AGBL4: variants seen among roughly 807,000 people sequenced by gnomAD.
AGBL4 encodes the protein AGBL carboxypeptidase 4.
A neutral mutation model predicts 66.4 loss-of-function variants in AGBL4; 58 were observed. The ratio of observed to expected loss-of-function variants is 0.87; its 90% CI spans 0.71 to 1.09. AGBL4 has a LOEUF of 1.09. Ranked by LOEUF, AGBL4 falls within the 50% of genes least tolerant of loss-of-function variation. The probability of loss-of-function intolerance (pLI) is 0.00; values close to 1 mark genes in which losing one functional copy is unlikely to be tolerated. For synonymous variants in AGBL4, 234 were observed against 222.9 expected, an observed-to-expected ratio of 1.05 and a Z score of -0.44; for missense variants, 579 against 631.0, an observed-to-expected ratio of 0.92 and a Z score of 0.88.
At chr1:49,093,916 G>A (rs1645044264) in intron 4 of AGBL4, among the ~76,000 whole-genome samples, 2 of 152,120 alleles carry the variant, frequency 1.3e-5, no homozygotes, top group African/African-American at 4.8e-5. Context: ...TTCATCATAG[G>A]ATAGAGTTCA....
chr1:48,821,430 A>C (rs147554835), intron 6 of AGBL4, among the ~76,000 whole-genome samples: 1 of 152,198 alleles, frequency 6.6e-6, no homozygotes, highest in African/African-American at 2.4e-5. Context: ...GAATGAAATC[A>C]TGTCCTTTGC....
chr1:48,832,195 A>G (rs1281194957), intron 6 of AGBL4, among the ~76,000 whole-genome samples: 3 of 152,178 alleles, frequency 2.0e-5, no homozygotes, highest in Non-Finnish European at 2.9e-5. Flanking sequence ...TTGGGGAAAC[A>G]CTGGAAAATG....
intron 6 of AGBL4, among the ~76,000 whole-genome samples, chr1:48,812,353 A>T (rs932893039): frequency 6.6e-6 from 1 of 152,108 alleles, no homozygotes; most frequent in African/African-American, 2.4e-5. Flanking sequence ...CAGAAGGAGG[A>T]AGTAGATTAG....
intron 5 of AGBL4, among the ~76,000 whole-genome samples, chr1:48,910,461 C>A (rs909470684): frequency 6.6e-6 from 1 of 152,116 alleles, no homozygotes; most frequent in East Asian, 1.9e-4. Context: ...TGCTCCTTAG[C>A]TCCTTAAAAG....
chr1:49,110,321 C>T (rs908424039), intron 4 of AGBL4, among the ~76,000 whole-genome samples: 1 of 152,206 alleles, frequency 6.6e-6, no homozygotes, highest in African/African-American at 2.4e-5. Flanking sequence ...AGAAGGATTA[C>T]AATTTACATT....
At chr1:49,151,071 AT>A (rs1181265449) in intron 4 of AGBL4, among the ~76,000 whole-genome samples, 1 of 152,034 alleles carries the variant, frequency 6.6e-6, no homozygotes, top group Non-Finnish European at 1.5e-5. Flanking sequence ...GATCGAGACC[AT>A]CCTGGCTAAC....
At chr1:49,068,280 T>C (rs1289500301) in intron 4 of AGBL4, among the ~76,000 whole-genome samples, 1 of 151,816 alleles carries the variant, frequency 6.6e-6, no homozygotes, top group Non-Finnish European at 1.5e-5. Context: ...GTGCACAACG[T>C]GCAGGTTTGT....
rs1320229421 is a variant in AGBL4 at position 49,648,111 on chromosome 1, G to A, written c.282+49202C>T. Among the ~76,000 whole-genome samples the A allele has an allele frequency of 2.0e-5, 3 of 152,168 alleles. No individual in the cohort carries two copies. The East Asian group carries it at 5.8e-4, about 29-fold the overall frequency. ...ATTAATATGTTAAGAATGCTAATGGGTGAAGTAGACAACATGCAGGGACAG... is the reference window on the plus strand; with the variant it reads ...ATTAATATGTTAAGAATGCTAATGGATGAAGTAGACAACATGCAGGGACAG... On this transcript the variant is annotated intron_variant, in intron 3 of 13. Coordinates refer to ENST00000371839, the MANE Select transcript of AGBL4 (RefSeq NM_032785.4).
intron 1 of AGBL4, among the ~76,000 whole-genome samples, chr1:49,853,389 C>G (rs918956694): frequency 1.3e-5 from 2 of 152,018 alleles, no homozygotes; most frequent in East Asian, 3.9e-4. Flanking sequence ...CTTGGGACAG[C>G]TGAAAAATAA....
chr1:48,653,660 C>A (rs891294805), intron 7 of AGBL4, among the ~76,000 whole-genome samples: 1 of 152,032 alleles, frequency 6.6e-6, no homozygotes, highest in African/African-American at 2.4e-5. Flanking sequence ...CAGTTGAAGA[C>A]GTAACATTGA....
intron 6 of AGBL4, among the ~76,000 whole-genome samples, chr1:48,682,131 A>G (rs1050405058): frequency 6.6e-6 from 1 of 152,228 alleles, no homozygotes; most frequent in Admixed American, 6.5e-5. Context: ...GATGGCCATT[A>G]CAAGCCAAGG....
At chr1:49,344,539 A>T (rs1645602266) in intron 3 of AGBL4, among the ~76,000 whole-genome samples, 1 of 152,156 alleles carries the variant, frequency 6.6e-6, no homozygotes. Flanking sequence ...CTGTGTGTGA[A>T]CATACTGGCT....
chr1:49,180,158 A>G (rs1216886218), intron 4 of AGBL4, among the ~76,000 whole-genome samples: 1 of 152,178 alleles, frequency 6.6e-6, no homozygotes, highest in Non-Finnish European at 1.5e-5. Context: ...TCAGCCTCCC[A>G]AAGTGCTGGG....
At chr1:48,848,444 T>C (rs1024414136) in intron 6 of AGBL4, among the ~76,000 whole-genome samples, 5 of 152,234 alleles carry the variant, frequency 3.3e-5, no homozygotes, top group African/African-American at 1.2e-4. Context: ...ATTTGAAGGT[T>C]GATTGCTATC....
In AGBL4 at chr1:48,552,795, C is replaced by T. The variant is rs181188111; in HGVS notation, c.1268-13057G>A. ...GGATCTTGACTGGGAAGGGTCTTGG[C>T]TTCCCTACTTAGAAAAAAGTAATCC... On this transcript the variant is annotated intron_variant, in intron 11 of 13. Coordinates refer to ENST00000371839, the MANE Select transcript of AGBL4 (RefSeq NM_032785.4). Among the ~76,000 whole-genome samples the T allele has an allele frequency of 6.3e-4, 96 of 152,026 alleles. No homozygotes were observed. The South Asian group carries it at 9.8e-3, about 15-fold the overall frequency.
intron 6 of AGBL4, among the ~76,000 whole-genome samples, chr1:48,830,715 C>A (rs935857978): frequency 6.6e-6 from 1 of 152,152 alleles, no homozygotes; most frequent in Admixed American, 6.5e-5. Context: ...AGTCACTGAG[C>A]TAATCAATAA....
chr1:48,577,202 A>ACCTT (rs774134633), intron 11 of AGBL4, among the ~76,000 whole-genome samples: 2 of 152,224 alleles, frequency 1.3e-5, no homozygotes, highest in Non-Finnish European at 1.5e-5. Flanking sequence ...CTCTTCCCAC[A>ACCTT]CTTGTGCAAT....
chr1:49,243,473 A>C (rs1651398811), intron 4 of AGBL4, among the ~76,000 whole-genome samples: 1 of 151,818 alleles, frequency 6.6e-6, no homozygotes, highest in African/African-American at 2.4e-5. Context: ...TAACTGACTC[A>C]AAGCATAAAA....
At chr1:48,786,785 G>A (rs904676495) in intron 6 of AGBL4, among the ~76,000 whole-genome samples, 1 of 152,134 alleles carries the variant, frequency 6.6e-6, no homozygotes, top group African/African-American at 2.4e-5. Context: ...TCTTACTGCC[G>A]GGGAAGAGTG....
Sources: gnomAD v4.1 joint callset for allele counts (sites outside exome capture counted in the v4.1 genomes callset) on GRCh38, gnomAD v4.1.1 for gene constraint, MANE v1.5 for transcripts, NCBI Gene and HGNC (gene_info 2026-07-23, HGNC 2026-07-21) for gene names.